The following DAB1 variants were observed in gnomAD, a reference collection of about 807,000 sequenced individuals.
DAB1 encodes disabled homolog 1.
A neutral mutation model predicts 64.6 loss-of-function variants in DAB1; 15 were observed. That is an observed-to-expected ratio of 0.23 (90% CI 0.16 to 0.36). The LOEUF (loss-of-function observed/expected upper bound fraction) is 0.36. DAB1 is among the 10% of genes least tolerant of loss of function. The pLI is 1.00. For synonymous variants in DAB1, 235 were observed against 251.9 expected, an observed-to-expected ratio of 0.93 and a Z score of 0.64; for missense variants, 596 against 706.7, an observed-to-expected ratio of 0.84 and a Z score of 1.78.
At chr1:58,405,789 T>A (rs1480458291) in intron 3 of DAB1, among the ~76,000 whole-genome samples, 1 of 152,172 alleles carries the variant, frequency 6.6e-6, no homozygotes, top group Non-Finnish European at 1.5e-5. Context: ...AGCATCACAT[T>A]TTATGAATGA....
intron 6 of DAB1, among the ~76,000 whole-genome samples, chr1:57,747,645 T>A (rs1648340225): frequency 6.6e-6 from 1 of 151,534 alleles, no homozygotes; most frequent in East Asian, 1.9e-4. Context: ...CTGTCTCTAC[T>A]AAAAATACAA....
At chr1:58,387,258 T>G (rs1644440117) in intron 3 of DAB1, among the ~76,000 whole-genome samples, 1 of 152,194 alleles carries the variant, frequency 6.6e-6, no homozygotes, top group Non-Finnish European at 1.5e-5. Flanking sequence ...GAAGGTTCAC[T>G]GAAAATAAAC....
At chr1:57,263,817 A>G (rs1670380898) in intron 2 of DAB1, among the ~76,000 whole-genome samples, 1 of 152,222 alleles carries the variant, frequency 6.6e-6, no homozygotes, top group African/African-American at 2.4e-5. Context: ...ACAGTTTTTC[A>G]AAAGATGAAA....
intron 4 of DAB1, among the ~76,000 whole-genome samples, chr1:58,299,880 T>C (rs992821267): frequency 2.6e-5 from 4 of 152,214 alleles, no homozygotes; most frequent in African/African-American, 9.6e-5. Context: ...ACCTAGGCCC[T>C]GTCCCTCCAC....
chr1:57,116,646 C>T (rs1386946605), intron 4 of DAB1, among the ~76,000 whole-genome samples: 3 of 151,874 alleles, frequency 2.0e-5, no homozygotes, highest in Non-Finnish European at 2.9e-5. Context: ...CCAACTCATA[C>T]AATGATAAAG....
intron 1 of DAB1, among the ~76,000 whole-genome samples, chr1:57,858,263 G>A: frequency 6.6e-6 from 1 of 152,020 alleles, no homozygotes; most frequent in East Asian, 1.9e-4. Context: ...TAAACTATTG[G>A]GAGATTATGG....
chr1:57,080,982 G>A (rs1343417398), intron 4 of DAB1, among the ~76,000 whole-genome samples: 1 of 152,146 alleles, frequency 6.6e-6, no homozygotes, highest in Admixed American at 6.6e-5. Context: ...AAGATGAGTA[G>A]GATGCAGTCC....
At chr1:57,711,743 G>A (rs1188217123) in intron 6 of DAB1, among the ~76,000 whole-genome samples, 1 of 152,178 alleles carries the variant, frequency 6.6e-6, no homozygotes, top group Non-Finnish European at 1.5e-5. Flanking sequence ...TTAAACAGCT[G>A]TTTCCCATAT....
At chr1:58,291,063 G>T (rs1455989135) in intron 4 of DAB1, among the ~76,000 whole-genome samples, 1 of 152,164 alleles carries the variant, frequency 6.6e-6, no homozygotes, top group Non-Finnish European at 1.5e-5. Context: ...GAAGCTGAGT[G>T]ATATGCTGAG....
intron 3 of DAB1, among the ~76,000 whole-genome samples, chr1:58,388,008 T>G (rs570980556): frequency 6.6e-6 from 1 of 152,302 alleles, no homozygotes; most frequent in African/African-American, 2.4e-5. Flanking sequence ...ATTATAGGCG[T>G]GAGCCACCAT....
At chr1:57,069,594 T>C (rs918630749) in intron 7 of DAB1, among the ~76,000 whole-genome samples, 169 bp from the exon 8 acceptor site, 1 of 152,212 alleles carries the variant, frequency 6.6e-6, no homozygotes, top group Non-Finnish European at 1.5e-5. Flanking sequence ...ACCTTGTACA[T>C]TCCTGCCTTT....
intron 2 of DAB1, among the ~76,000 whole-genome samples, chr1:58,513,343 T>C (rs981603321): frequency 6.6e-6 from 1 of 152,184 alleles, no homozygotes; most frequent in Non-Finnish European, 1.5e-5. Flanking sequence ...TTAAACCTCT[T>C]TCCTTTATAA....
intron 7 of DAB1, among the ~76,000 whole-genome samples, chr1:57,642,638 C>T (rs1440643736): frequency 6.6e-6 from 1 of 152,174 alleles, no homozygotes; most frequent in Non-Finnish European, 1.5e-5. Context: ...CAACTCCATC[C>T]GTTGCCTGGA....
chr1:57,605,772 TGG>T, intron 7 of DAB1: 2 of 360,722 alleles, frequency 5.5e-6, no homozygotes, highest in Non-Finnish European at 1.1e-5. Flanking sequence ...TTGATGGCCT[TGG>T]GTACCATATT....
intron 2 of DAB1, among the ~76,000 whole-genome samples, chr1:57,221,751 A>C (rs982946906): frequency 6.6e-6 from 1 of 152,180 alleles, no homozygotes; most frequent in Non-Finnish European, 1.5e-5. Context: ...TTCTCAGAGA[A>C]GGGTAAACAA....
rs776432086 is a variant in DAB1, at chr1:57,458,720, C to T, written n.626-167554G>A. 1.2e-4 allele frequency among the ~76,000 whole-genome samples: 19 copies of T among 152,042 alleles called. No homozygotes were observed. In the Middle Eastern group the frequency reaches 0.01, roughly 82 times the overall value. ...ATCTAACAGAGTTGGAATTAAGTGACGTATTAAATTATGCATTATTCGTGT... is the reference window on the plus strand; with the variant it reads ...ATCTAACAGAGTTGGAATTAAGTGATGTATTAAATTATGCATTATTCGTGT... On this transcript the variant is annotated intron_variant and non_coding_transcript_variant, in intron 7 of 20. Coordinates refer to the DAB1 transcript ENST00000485760.
intron 5 of DAB1, among the ~76,000 whole-genome samples, chr1:57,966,594 G>T (rs1279032678): frequency 6.6e-6 from 1 of 152,124 alleles, no homozygotes; most frequent in Non-Finnish European, 1.5e-5. Flanking sequence ...AGAATCATGA[G>T]AAATAACACA....
intron 4 of DAB1, among the ~76,000 whole-genome samples, chr1:57,077,012 T>A (rs1330188252): frequency 6.6e-6 from 1 of 152,080 alleles, no homozygotes; most frequent in African/African-American, 2.4e-5. Context: ...AAACTAGCAA[T>A]CACAATATAA....
chr1:57,317,582 C>G lies in DAB1; in HGVS notation c.-136-26416G>C, dbSNP rs540972066. On this transcript the variant is annotated intron_variant, in intron 1 of 14. Transcript: ENST00000371236. ...ACTCCTATACCACCTTATGCTGTAC[C>G]ATCTTTTCATATTTGCTGAATCCTC... 1.6e-4 allele frequency among the ~76,000 whole-genome samples: 24 copies of G among 152,210 alleles called. No individual in the cohort carries two copies. The South Asian group carries it at 4.6e-3, about 29-fold the overall frequency.
Sources: allele counts gnomAD v4.1 joint callset (sites outside exome capture counted in the v4.1 genomes callset), GRCh38; gene constraint gnomAD v4.1.1; transcripts MANE v1.5; gene names NCBI Gene and HGNC (gene_info 2026-07-23, HGNC 2026-07-21).